The following FAM174B variants were observed in gnomAD, a reference collection of about 807,000 sequenced individuals.
FAM174B encodes the protein family with sequence similarity 174 member B.
Under a neutral mutation model 10.9 loss-of-function variants are expected in FAM174B, and 12 were observed. The ratio of observed to expected loss-of-function variants is 1.10; its 90% confidence interval spans 0.71 to 1.79. The LOEUF (loss-of-function observed/expected upper bound fraction) is 1.79, where lower values mean the gene tolerates loss of function less well. Among genes scored for constraint, FAM174B ranks in the 40% most tolerant of loss-of-function variants. FAM174B has a pLI of 0.00. For synonymous variants in FAM174B, 132 were observed against 115.8 expected (o/e 1.14, Z -0.90); for missense variants, 266 against 233.3 (o/e 1.14, Z -0.91).
At chr15:92,641,631 T>C (rs1034380892) in intron 1 of FAM174B, among the ~76,000 whole-genome samples, 2 of 152,022 alleles carry the variant, frequency 1.3e-5, no homozygotes, top group Non-Finnish European at 2.9e-5. Flanking sequence ...TCTAAAAAAA[T>C]TAACTCACAC....
intron 1 of FAM174B, among the ~76,000 whole-genome samples, chr15:92,649,526 C>A (rs547503643): frequency 6.6e-4 from 101 of 152,314 alleles, no homozygotes; most frequent in Non-Finnish European, 1.2e-3. Flanking sequence ...TAATAGGACA[C>A]TTGACTGCTT....
At chr15:92,633,946 A>G (rs1203116513) in intron 1 of FAM174B, among the ~76,000 whole-genome samples, 1 of 152,058 alleles carries the variant, frequency 6.6e-6, no homozygotes, top group Non-Finnish European at 1.5e-5. Flanking sequence ...CCAAGACAAA[A>G]CCACATGAAA....
rs1005566346 is a variant in FAM174B, at chr15:92,655,601, G to A, written c.59C>T (p.Ala20Val). 3 of 1,280,586 alleles carry A rather than the reference G, an allele frequency of 2.3e-6. No homozygotes were observed. The highest frequency in any genetic ancestry group is 3.0e-6 in the Non-Finnish European group (3 of 1,016,400). 79.3% of individuals were successfully genotyped at this position (1,280,586 alleles called of 1,614,324 possible). A position where few individuals can be genotyped will look rare whatever the true frequency, so the allele number is the denominator to read the frequency against. ...LLPLLLLALL[A>V]APAARASRAE... The stretch of plus-strand genomic sequence containing the variant: ...TCTGCTGGCGCGGGCGGCGGGAGCG[G>A]CCAGGAGCGCGAGCAGCAGCAGCGG... Residue 20 changes from alanine (A) to valine (V), a missense_variant, in exon 1 of 3, where the codon GCC (alanine) becomes GTC (valine). Physicochemically the swap from Ala to Val is moderately conservative, Grantham distance 64. Coordinates refer to ENST00000327355, the MANE Select transcript of FAM174B (RefSeq NM_207446.3).
Position 92,655,220 on chromosome 15 carries a change from AC to A in FAM174B, c.344+95del, listed in dbSNP as rs1463275204. ...ACGGCTGGCTGGGGCGCACCAGGGC[AC>A]CTGTGCGTGCAGGTGGGGCGGGCGC... On this transcript the variant is annotated intron_variant, in intron 1 of 2. Transcript: ENST00000327355. The A allele has an allele frequency of 4.2e-6, 6 of 1,430,240 alleles. No individual in the cohort carries two copies. In the African/African-American group the frequency reaches 8.9e-5, roughly 21 times the overall value. 88.6% of individuals were successfully genotyped at this position (1,430,240 alleles called of 1,614,324 possible).
chr15:92,645,784 T>TG (rs1302529488), intron 1 of FAM174B, among the ~76,000 whole-genome samples: 1 of 152,114 alleles, frequency 6.6e-6, no homozygotes, highest in Non-Finnish European at 1.5e-5. Flanking sequence ...CACAGTGCTT[T>TG]GGGGCACATG....
Position 92,655,354 on chromosome 15 carries a change from G to A in FAM174B, c.306C>T (p.Thr102=), listed in dbSNP as rs778216819. 5.1e-5 allele frequency: 81 copies of A among 1,587,518 alleles called. No individual in the cohort carries two copies. The highest frequency in any genetic ancestry group is 6.8e-5 in the Non-Finnish European group (79 of 1,167,712). Residue 102 remains threonine, a synonymous_variant, in exon 1 of 3, where the codon ACC becomes ACT. Transcript: ENST00000327355. ...GCAGCAGGCAGGCGATGAGGAGGGT[G>A]GTAAAGGCGAACGCCACGATCACGG... The part of the protein sequence containing the change: ...KAAVIVAFAF[T]TLLIACLLLR...
At chr15:92,639,433 C>A (rs1329535394) in intron 1 of FAM174B, among the ~76,000 whole-genome samples, 1 of 152,204 alleles carries the variant, frequency 6.6e-6, no homozygotes, top group East Asian at 1.9e-4. Flanking sequence ...TCTAAATGAG[C>A]TGATTCCAAA....
At chr15:92,628,610 G>T (rs1181679627) in intron 2 of FAM174B, among the ~76,000 whole-genome samples, 2 of 152,064 alleles carry the variant, frequency 1.3e-5, no homozygotes, top group Non-Finnish European at 2.9e-5. Context: ...AAAGGGTGCT[G>T]CCCTTTACCT....
At chr15:92,620,806 C>A (rs2050714195) in intron 2 of FAM174B, among the ~76,000 whole-genome samples, 2 of 99,584 alleles carry the variant, frequency 2.0e-5, no homozygotes, top group Non-Finnish European at 1.9e-5. Flanking sequence ...CAGAGCAAGA[C>A]TCTGTCTCAA....
In FAM174B at chr15:92,655,517, C is replaced by T; in HGVS notation, c.143G>A (p.Gly48Asp). 1 of 1,497,194 alleles carries T rather than the reference C, an allele frequency of 6.7e-7. No individual in the cohort carries two copies. Among genetic ancestry groups the T allele is most frequent in the Non-Finnish European group, 8.9e-7 (1 of 1,123,670 alleles). 92.7% of individuals were successfully genotyped at this position (1,497,194 alleles called of 1,614,324 possible). The change falls in exon 1 of 3, where the codon GGC becomes GAC. Residue 48 changes from glycine to aspartate, a missense_variant. Physicochemically the swap from Gly to Asp is moderately conservative, Grantham distance 94 (BLOSUM62 -1). Transcript: ENST00000327355. ...CCGGGTGGTGTTCCCGGGCCCCGGG[C>T]CGGGCGGTGGCCGCGACTCGCGCTC... ...EPERESRPPP[G>D]PGPGNTTRFG...
At chr15:92,642,713 T>G (rs2050899523) in intron 1 of FAM174B, among the ~76,000 whole-genome samples, 1 of 152,250 alleles carries the variant, frequency 6.6e-6, no homozygotes, top group Non-Finnish European at 1.5e-5. Context: ...TGTGAGGCAA[T>G]TAAACCTCTT....
chr15:92,629,583 T>C (rs546687883), intron 2 of FAM174B, among the ~76,000 whole-genome samples: 6 of 152,344 alleles, frequency 3.9e-5, no homozygotes, highest in Non-Finnish European at 8.8e-5. Context: ...AACTAGCTCA[T>C]TGTCTGAAGC....
chr15:92,625,816 T>G (rs2050748878), intron 2 of FAM174B, among the ~76,000 whole-genome samples: 1 of 152,244 alleles, frequency 6.6e-6, no homozygotes, highest in Non-Finnish European at 1.5e-5. Context: ...CCAGCACTAC[T>G]TAGTCTTTCC....
At position 92,655,683 on chromosome 15, in the gene FAM174B, C is replaced by A. The variant is rs773379371; in HGVS notation, c.-24G>T. 34 of 1,240,294 alleles carry A rather than the reference C, an allele frequency of 2.7e-5. No individual in the cohort carries two copies. The highest frequency in any genetic ancestry group is 9.1e-6 in the Non-Finnish European group (9 of 993,372). The allele number at this position is 1,240,294 out of a possible 1,614,324, so 76.8% of individuals were successfully genotyped here. A position where few individuals can be genotyped will look rare whatever the true frequency, so the allele number is the denominator to read the frequency against. On this transcript the variant is annotated 5_prime_UTR_variant, in exon 1 of 3. Coordinates refer to ENST00000327355, the MANE Select transcript of FAM174B (RefSeq NM_207446.3). ...ATAGTGCGGTGGGTCGGCACAGGAT[C>A]GGGCAGGGCGCGCGCGGCTGAGCTC... is the stretch of plus-strand genomic sequence containing the variant.
chr15:92,628,855 T>C (rs1013526867), intron 2 of FAM174B, among the ~76,000 whole-genome samples: 3 of 152,210 alleles, frequency 2.0e-5, no homozygotes, highest in Non-Finnish European at 4.4e-5. Context: ...AATGAGAATA[T>C]ATCTTAACAA....
rs191143003 is a variant in FAM174B, at chr15:92,630,930, A to G, written c.345-585T>C. On this transcript the variant is annotated intron_variant, in intron 1 of 2. Coordinates refer to ENST00000327355, the MANE Select transcript of FAM174B (RefSeq NM_207446.3). ...TTATATATTATATATTACGTATTAC[A>G]TATTACATATTATATATTATATATT... 4.1e-3 allele frequency among the ~76,000 whole-genome samples: 96 copies of G among 23,240 alleles called. 1 individual carries two copies. The highest frequency in any genetic ancestry group is 9.2e-3 in the South Asian group (5 of 542). 15.2% of individuals were successfully genotyped at this position (23,240 alleles called of 152,430 possible). A position where few individuals can be genotyped will look rare whatever the true frequency, so the allele number is the denominator to read the frequency against.
chr15:92,651,717 G>C (rs2141966088), intron 1 of FAM174B, among the ~76,000 whole-genome samples: 1 of 152,334 alleles, frequency 6.6e-6, no homozygotes, highest in South Asian at 2.1e-4. Flanking sequence ...CTATCAAACA[G>C]AGCTTCTCTG....
At chr15:92,637,187 G>A (rs1461897664) in intron 1 of FAM174B, among the ~76,000 whole-genome samples, 3 of 152,222 alleles carry the variant, frequency 2.0e-5, no homozygotes, top group Admixed American at 1.3e-4. Flanking sequence ...GTGGGCAGGG[G>A]AAGGCACGAC....
At chr15:92,621,157 C>G (rs1303107448) in intron 2 of FAM174B, among the ~76,000 whole-genome samples, 1 of 152,108 alleles carries the variant, frequency 6.6e-6, no homozygotes, top group African/African-American at 2.4e-5. Context: ...TAGTAAAAAC[C>G]ATTTGTGTGC....
Sources: gnomAD v4.1 joint callset for allele counts (sites outside exome capture counted in the v4.1 genomes callset) on GRCh38, gnomAD v4.1.1 for gene constraint, MANE v1.5 for transcripts, NCBI Gene and HGNC (gene_info 2026-07-23, HGNC 2026-07-21) for gene names.